The following STARD6 variants were observed in gnomAD, a reference collection of about 807,000 sequenced individuals.
STARD6 encodes StAR related lipid transfer domain containing 6.
A neutral mutation model predicts 22.3 loss-of-function variants in STARD6; 21 were observed. The ratio of observed to expected loss-of-function variants is 0.94; its 90% CI spans 0.67 to 1.35. The LOEUF (loss-of-function observed/expected upper bound fraction) is 1.35, where lower values mean the gene tolerates loss of function less well. STARD6 is among the 40% of genes most tolerant of loss of function. The probability of loss-of-function intolerance (pLI) is 0.00; values close to 1 mark genes in which losing one functional copy is unlikely to be tolerated. For missense variants in STARD6, 269 were observed against 266.9 expected (o/e 1.01, Z -0.05); for synonymous variants, 80 against 88.1 (o/e 0.91, Z 0.52).
intron 4 of STARD6, among the ~76,000 whole-genome samples, chr18:54,347,260 A>T (rs2089045548): frequency 6.6e-6 from 1 of 152,130 alleles, no homozygotes; most frequent in Non-Finnish European, 1.5e-5. Flanking sequence ...AAATAAGATG[A>T]TTCAATAACG....
chr18:54,337,358 G>A, intron 4 of STARD6, 107 bp from the exon 5 acceptor site: 1 of 1,014,462 alleles, frequency 9.9e-7, no homozygotes, highest in Non-Finnish European at 1.4e-6. Context: ...AAACAGCAAT[G>A]AAGAAAACTT....
In STARD6 at chr18:54,324,786, G is replaced by GA. The variant is rs1247394264; in HGVS notation, c.568dup (p.Ser190PhefsTer28). On this transcript the variant is annotated frameshift_variant, in exon 8 of 8. Coordinates refer to ENST00000307844, the MANE Select transcript of STARD6 (RefSeq NM_139171.2). LOFTEE classifies it low-confidence loss of function (END_TRUNC). ...ATTGAGGATGAAGTTTACTAAGTTGGAAGGCATGGTTTTTTCAATTATTGA... is the reference window on the plus strand; with the variant it reads ...ATTGAGGATGAAGTTTACTAAGTTGGAAAGGCATGGTTTTTTCAATTATTGA... 1.2e-6 allele frequency: 2 copies of GA among 1,608,830 alleles called. No individual in the cohort carries two copies.
At chr18:54,332,345 A>C (rs1217138690) in intron 5 of STARD6, among the ~76,000 whole-genome samples, 1 of 152,228 alleles carries the variant, frequency 6.6e-6, no homozygotes, top group Non-Finnish European at 1.5e-5. Flanking sequence ...GCCTAACTGC[A>C]CATTCCTTTC....
Position 54,341,699 on chromosome 18 carries a change from T to G in STARD6, c.141-4448A>C, listed in dbSNP as rs115641264. On this transcript the variant is annotated intron_variant, in intron 4 of 7. Coordinates refer to ENST00000307844, the MANE Select transcript of STARD6 (RefSeq NM_139171.2). ...GAAGAAAAATTAAGTCAAAGAAAAA[T>G]TAGAGAATAATTTGAGATAAATCAA... 4.2e-3 allele frequency among the ~76,000 whole-genome samples: 640 copies of G among 151,948 alleles called. 10 individuals carry two copies. Among genetic ancestry groups the G allele is most frequent in the African/African-American group, 0.015 (623 of 41,438 alleles).
At chr18:54,356,622 G>C (rs2089146309) in intron 1 of STARD6, among the ~76,000 whole-genome samples, 178 bp from the exon 2 acceptor site, 1 of 152,106 alleles carries the variant, frequency 6.6e-6, no homozygotes, top group Non-Finnish European at 1.5e-5. Flanking sequence ...AACTTTAAAA[G>C]ATACTGTTTA....
At chr18:54,355,607 C>T (rs2089136494) in intron 2 of STARD6, among the ~76,000 whole-genome samples, 1 of 152,176 alleles carries the variant, frequency 6.6e-6, no homozygotes, top group Admixed American at 6.5e-5. Context: ...CCTAACCATG[C>T]TGGCACCCAG....
intron 6 of STARD6, among the ~76,000 whole-genome samples, chr18:54,331,354 G>A (rs2088863269): frequency 6.6e-6 from 1 of 152,126 alleles, no homozygotes; most frequent in Non-Finnish European, 1.5e-5. Flanking sequence ...CCATCTAGTG[G>A]AAATTTCTTT....
intron 3 of STARD6, 21 bp from the exon 4 acceptor site, chr18:54,354,124 C>A: frequency 4.8e-6 from 7 of 1,473,396 alleles, no homozygotes; most frequent in South Asian, 4.1e-5. Flanking sequence ...AATAAAAATC[C>A]ACAAATAATT....
At chr18:54,352,429 CAAT>C (rs1044028898) in intron 4 of STARD6, among the ~76,000 whole-genome samples, 1 of 152,124 alleles carries the variant, frequency 6.6e-6, no homozygotes, top group Non-Finnish European at 1.5e-5. Flanking sequence ...TTGCCAACAA[CAAT>C]GTGAGTGAGT....
chr18:54,356,490 TAGGTCAA>T (rs2144702676), intron 1 of STARD6, 46 bp from the exon 2 acceptor site: 1 of 152,312 alleles, frequency 6.6e-6, no homozygotes, highest in Admixed American at 6.5e-5. Context: ...ATCCATGAAT[TAGGTCAA>T]TATATTTGAT....
At chr18:54,332,762 A>G (rs1430409426) in intron 5 of STARD6, among the ~76,000 whole-genome samples, 1 of 152,198 alleles carries the variant, frequency 6.6e-6, no homozygotes, top group Non-Finnish European at 1.5e-5. Context: ...ATCCTTGACC[A>G]GGCATGGTGG....
At chr18:54,343,402 C>A (rs1194837033) in intron 4 of STARD6, among the ~76,000 whole-genome samples, 1 of 143,148 alleles carries the variant, frequency 7.0e-6, no homozygotes, top group Non-Finnish European at 1.5e-5. Flanking sequence ...CCAGCCGTGC[C>A]ATCCGGGAGG....
intron 4 of STARD6, among the ~76,000 whole-genome samples, chr18:54,340,377 A>G (rs1382997668): frequency 6.6e-6 from 1 of 152,156 alleles, no homozygotes; most frequent in Non-Finnish European, 1.5e-5. Context: ...TGTAGCCCCT[A>G]TAGTTATCAC....
chr18:54,330,157 A>G (rs532519040), intron 6 of STARD6, among the ~76,000 whole-genome samples: 2 of 152,142 alleles, frequency 1.3e-5, no homozygotes, highest in Admixed American at 1.3e-4. Flanking sequence ...GTCAGAGAAG[A>G]TGGATTTTCT....
chr18:54,338,581 G>A lies in STARD6; in HGVS notation c.141-1330C>T, dbSNP rs181071658. 1.5e-3 allele frequency among the ~76,000 whole-genome samples: 235 copies of A among 152,110 alleles called. 4 individuals carry two copies. The highest frequency in any genetic ancestry group is 8.2e-3 in the Admixed American group (125 of 15,286). On this transcript the variant is annotated intron_variant, in intron 4 of 7. Transcript: ENST00000307844. ...AAATAACCACAAACCCAGGATGGGT[G>A]GATGGAGTCAGTATCCAGAGTTGCT...
chr18:54,343,153 AC>A (rs1378954420), intron 4 of STARD6, among the ~76,000 whole-genome samples: 1 of 32,068 alleles, frequency 3.1e-5, no homozygotes. Context: ...CCCGGCCGAG[AC>A]CCCGTCTGGG....
intron 4 of STARD6, among the ~76,000 whole-genome samples, chr18:54,346,053 A>T (rs2089030754): frequency 6.6e-6 from 1 of 152,158 alleles, no homozygotes; most frequent in Non-Finnish European, 1.5e-5. Flanking sequence ...AACACAACAG[A>T]AGACGGATAA....
chr18:54,335,946 A>G (rs1223382805), intron 5 of STARD6, among the ~76,000 whole-genome samples: 3 of 152,094 alleles, frequency 2.0e-5, no homozygotes, highest in Admixed American at 6.5e-5. Flanking sequence ...ACCCAGTCTC[A>G]GGTAGTTCTT....
In STARD6 at chr18:54,357,834, C is replaced by G. The variant is rs1249540789; in HGVS notation, c.-131G>C. The G allele has an allele frequency of 6.6e-6, 1 of 152,430 alleles. No homozygotes were observed. Among genetic ancestry groups the G allele is most frequent in the African/African-American group, 2.4e-5 (1 of 41,480 alleles). The allele number at this position is 152,430 out of a possible 1,614,324, so 9.4% of individuals were successfully genotyped here. On this transcript the variant is annotated 5_prime_UTR_variant, in exon 1 of 8. Coordinates refer to ENST00000307844, the MANE Select transcript of STARD6 (RefSeq NM_139171.2). ...GACCTAACGCTCAACAGCATCCTCTCTTCTCCGGCCGCTCCCTCATCTCCG... is the reference window on the plus strand; with the variant it reads ...GACCTAACGCTCAACAGCATCCTCTGTTCTCCGGCCGCTCCCTCATCTCCG...
Sources: gnomAD v4.1 joint callset for allele counts (sites outside exome capture counted in the v4.1 genomes callset) on GRCh38, gnomAD v4.1.1 for gene constraint, MANE v1.5 for transcripts, NCBI Gene and HGNC (gene_info 2026-07-23, HGNC 2026-07-21) for gene names.